PPP6R3: variants seen among roughly 807,000 people sequenced by gnomAD.
The protein encoded by PPP6R3 is serine/threonine-protein phosphatase 6 regulatory subunit 3.
PPP6R3 carries 38 observed loss-of-function variants against 110.7 expected under a neutral mutation model. The observed-to-expected ratio is 0.34, with a 90% CI of 0.26 to 0.45. The LOEUF (loss-of-function observed/expected upper bound fraction) is 0.45, where lower values mean the gene tolerates loss of function less well. Among genes scored for constraint, PPP6R3 ranks in the 20% least tolerant of loss-of-function variants. PPP6R3 has a pLI of 1.00. For missense variants in PPP6R3, 870 were observed against 1,062.4 expected (o/e 0.82, Z 2.52); for synonymous variants, 369 against 373.5 (o/e 0.99, Z 0.14).
At position 68,591,675 on chromosome 11, in the gene PPP6R3, G is replaced by A. The variant is rs201791814; in HGVS notation, c.1885G>A (p.Ala629Thr). The A allele has an allele frequency of 4.8e-5, 77 of 1,612,882 alleles. No individual in the cohort carries two copies. The African/African-American group carries it at 4.9e-4, about 10-fold the overall frequency. Residue 629 changes from alanine to threonine, a missense_variant, in exon 18 of 24, where the codon GCA becomes ACA. Physicochemically the swap from Ala to Thr is moderately conservative, Grantham distance 58. Transcript: ENST00000393800. The part of the protein sequence containing the change: ...EEDIWEEKHI[A>T]FTPESQRRSS... ...AGATATATGGGAGGAAAAGCACATC[G>A]CATTCACACCAGAATCCCAAAGACG...
At chr11:68,561,412 G>T (rs867529180) in intron 8 of PPP6R3, among the ~76,000 whole-genome samples, 1 of 152,090 alleles carries the variant, frequency 6.6e-6, no homozygotes, top group East Asian at 1.9e-4. Context: ...GAATATTTTT[G>T]ATTTCCAGTT....
At chr11:68,517,518 A>G (rs977017101) in intron 1 of PPP6R3, among the ~76,000 whole-genome samples, 5 of 152,204 alleles carry the variant, frequency 3.3e-5, no homozygotes, top group African/African-American at 1.2e-4. Context: ...AATGCATAAG[A>G]CAAATCCAGA....
chr11:68,613,035 G>A (rs1429302706), intron 23 of PPP6R3, 31 bp from the exon 24 acceptor site: 3 of 1,613,994 alleles, frequency 1.9e-6, no homozygotes, highest in Non-Finnish European at 2.5e-6. Flanking sequence ...TCTGCTGCAA[G>A]TGCCTCCGAT....
At chr11:68,544,126 C>CTCA (rs2099334950) in intron 3 of PPP6R3, among the ~76,000 whole-genome samples, 1 of 152,190 alleles carries the variant, frequency 6.6e-6, no homozygotes, top group Non-Finnish European at 1.5e-5. Flanking sequence ...GACACAAGGT[C>CTCA]TCACTCTTGC....
chr11:68,571,720 G>T (rs535519936), intron 12 of PPP6R3, among the ~76,000 whole-genome samples: 1 of 152,300 alleles, frequency 6.6e-6, no homozygotes, highest in South Asian at 2.1e-4. Flanking sequence ...AAGCATGGTG[G>T]CATAAGGGCG....
intron 21 of PPP6R3, among the ~76,000 whole-genome samples, chr11:68,602,587 G>T (rs1266933565): frequency 2.0e-5 from 3 of 152,172 alleles, no homozygotes; most frequent in Non-Finnish European, 4.4e-5. Flanking sequence ...TAAGGAGTGA[G>T]TTCTTAGAAA....
chr11:68,547,453 G>A (rs10750828), intron 4 of PPP6R3, among the ~76,000 whole-genome samples: 152,072 of 152,318 alleles, frequency 1, 75,914 homozygotes, highest in Middle Eastern at 1. Context: ...GAGACCAGCA[G>A]CAGGGGCCTG....
At chr11:68,535,681 G>C (rs979659253) in intron 2 of PPP6R3, 1 of 151,708 alleles carries the variant, frequency 6.6e-6, no homozygotes, top group Non-Finnish European at 1.5e-5. Flanking sequence ...AACTCTGCTT[G>C]GCCGGGCACG....
intron 6 of PPP6R3, among the ~76,000 whole-genome samples, chr11:68,552,555 G>A (rs2099385285): frequency 6.6e-6 from 1 of 152,170 alleles, no homozygotes; most frequent in Non-Finnish European, 1.5e-5. Flanking sequence ...TTGGGAATGT[G>A]GGAGCCCCTG....
chr11:68,490,001 AAACT>A (rs998757746), intron 1 of PPP6R3, among the ~76,000 whole-genome samples: 6 of 152,330 alleles, frequency 3.9e-5, no homozygotes, highest in Admixed American at 2.6e-4. Flanking sequence ...TATTTTGAAC[AAACT>A]ACTTTTAATT....
intron 9 of PPP6R3, among the ~76,000 whole-genome samples, chr11:68,566,328 T>TTCC (rs374175545): frequency 1.1e-4 from 16 of 151,572 alleles, no homozygotes; most frequent in East Asian, 1.9e-4. Context: ...CTCCTTCTCT[T>TTCC]TCCTCCTCCT....
intron 18 of PPP6R3, among the ~76,000 whole-genome samples, chr11:68,594,674 A>G (rs911151233): frequency 2.6e-5 from 4 of 152,210 alleles, no homozygotes; most frequent in African/African-American, 9.6e-5. Context: ...GGTTGAATCT[A>G]TAGATTCAAC....
chr11:68,590,857 C>A, intron 17 of PPP6R3, 143 bp downstream of exon 17: 3 of 1,017,238 alleles, frequency 2.9e-6, no homozygotes, highest in Non-Finnish European at 3.9e-6. Flanking sequence ...CTCTGTCCCA[C>A]GGCCTACCTG....
Position 68,548,172 on chromosome 11 carries a change from G to A in PPP6R3, c.520G>A (p.Glu174Lys), listed in dbSNP as rs866281551. The A allele has an allele frequency of 6.2e-7, 1 of 1,614,134 alleles. No individual in the cohort carries two copies. The change falls in exon 5 of 24, where the codon GAA becomes AAA. Residue 174 changes from glutamate (E) to lysine (K), a missense_variant. Physicochemically the swap from Glu to Lys is moderately conservative, Grantham distance 56. Coordinates refer to ENST00000393800, the MANE Select transcript of PPP6R3 (RefSeq NM_001164161.2). Reference protein sequence around the residue: ...DLLLRLLTCIEPPQPRQDVLN... With the variant: ...DLLLRLLTCIKPPQPRQDVLN... ...GTTGCTCAGGCTCCTGACGTGTATC[G>A]AACCTCCACAGCCCAGGCAAGATGT...
At chr11:68,609,702 C>T in intron 22 of PPP6R3, 1 of 1,573,322 alleles carries the variant, frequency 6.4e-7, no homozygotes, top group Non-Finnish European at 8.7e-7. Flanking sequence ...TGGTTCCCAC[C>T]TGTGTGCGAC....
At chr11:68,585,479 C>T (rs1285007768) in intron 15 of PPP6R3, among the ~76,000 whole-genome samples, 1 of 152,214 alleles carries the variant, frequency 6.6e-6, no homozygotes, top group South Asian at 2.1e-4. Flanking sequence ...GCCAGGATGA[C>T]AGTACTAGGA....
chr11:68,530,171 G>GT (rs1222520268), intron 2 of PPP6R3, among the ~76,000 whole-genome samples: 2 of 152,174 alleles, frequency 1.3e-5, no homozygotes, highest in African/African-American at 4.8e-5. Context: ...TGGCTCAAAA[G>GT]TTTATTTCTT....
chr11:68,606,632 T>C (rs1260487268), intron 22 of PPP6R3, among the ~76,000 whole-genome samples: 1 of 152,160 alleles, frequency 6.6e-6, no homozygotes, highest in Admixed American at 6.6e-5. Context: ...TTCATTAACT[T>C]GGTATAAGTT....
intron 12 of PPP6R3, among the ~76,000 whole-genome samples, chr11:68,571,642 C>G (rs1205881103): frequency 6.6e-6 from 1 of 152,180 alleles, no homozygotes; most frequent in Non-Finnish European, 1.5e-5. Context: ...CGTTTTCTTA[C>G]AGGTGTTGTC....
Sources: gnomAD v4.1 joint callset for allele counts (sites outside exome capture counted in the v4.1 genomes callset) on GRCh38, gnomAD v4.1.1 for gene constraint, MANE v1.5 for transcripts, NCBI Gene and HGNC (gene_info 2026-07-23, HGNC 2026-07-21) for gene names.